The following TAOK3 variants were observed in gnomAD, a reference collection of about 807,000 sequenced individuals.
TAOK3 encodes TAO kinase 3.
TAOK3 carries 40 observed loss-of-function variants against 120.4 expected under a neutral mutation model. That is an observed-to-expected ratio of 0.33 (90% CI 0.26 to 0.43). TAOK3 has a LOEUF of 0.43. TAOK3 is among the 20% of genes least tolerant of loss of function. The probability of loss-of-function intolerance (pLI) is 1.00; values close to 1 mark genes in which losing one functional copy is unlikely to be tolerated. For synonymous variants in TAOK3, 355 were observed against 387.5 expected, an observed-to-expected ratio of 0.92 and a Z score of 0.99; for missense variants, 821 against 1,112.1, an observed-to-expected ratio of 0.74 and a Z score of 3.72.
At chr12:118,173,884 T>C (rs1467334453) in intron 16 of TAOK3, among the ~76,000 whole-genome samples, 3 of 152,374 alleles carry the variant, frequency 2.0e-5, no homozygotes, top group South Asian at 2.1e-4. Context: ...GCCGATATCA[T>C]AGACTATTTT....
chr12:118,229,585 A>T (rs2039669541), intron 9 of TAOK3, among the ~76,000 whole-genome samples: 1 of 152,176 alleles, frequency 6.6e-6, no homozygotes, highest in Non-Finnish European at 1.5e-5. Flanking sequence ...GTTTTAAAAA[A>T]CATTGATTAG....
chr12:118,193,532 T>G (rs1374700770), intron 13 of TAOK3, among the ~76,000 whole-genome samples: 1 of 152,192 alleles, frequency 6.6e-6, no homozygotes, highest in Non-Finnish European at 1.5e-5. Context: ...TATTTGGAAG[T>G]CTTTCCTTTA....
intron 19 of TAOK3, among the ~76,000 whole-genome samples, chr12:118,152,991 T>C (rs1566218503): frequency 6.6e-6 from 1 of 152,218 alleles, no homozygotes; most frequent in Non-Finnish European, 1.5e-5. Flanking sequence ...AAAAATTGAT[T>C]CCAATTTCCA....
chr12:118,155,471 T>C (rs1339299017), intron 19 of TAOK3, among the ~76,000 whole-genome samples: 1 of 152,212 alleles, frequency 6.6e-6, no homozygotes, highest in Non-Finnish European at 1.5e-5. Flanking sequence ...CCTAAGAAAG[T>C]AGCTTTACTT....
intron 15 of TAOK3, among the ~76,000 whole-genome samples, chr12:118,178,861 T>A (rs2036513535): frequency 6.6e-6 from 1 of 152,196 alleles, no homozygotes; most frequent in South Asian, 2.1e-4. Context: ...AAATACTGGC[T>A]CCTGAAAGTG....
intron 17 of TAOK3, among the ~76,000 whole-genome samples, chr12:118,164,761 C>T (rs1253014603): frequency 3.3e-5 from 5 of 152,180 alleles, no homozygotes; most frequent in South Asian, 2.1e-4. Flanking sequence ...CCTCTCTTCT[C>T]TGATGGCATC....
intron 14 of TAOK3, among the ~76,000 whole-genome samples, chr12:118,189,535 GAC>G (rs869285530): frequency 0.066 from 8,729 of 132,080 alleles, 312 homozygotes; most frequent in East Asian, 0.21. Flanking sequence ...CACAGACACA[GAC>G]ACACACACAC....
intron 16 of TAOK3, among the ~76,000 whole-genome samples, chr12:118,175,274 A>C (rs2036250273): frequency 6.6e-6 from 1 of 152,160 alleles, no homozygotes; most frequent in Admixed American, 6.5e-5. Context: ...TCACTTCCTA[A>C]CTAAAAAAGA....
At chr12:118,189,142 TG>T (rs1001397839) in intron 14 of TAOK3, among the ~76,000 whole-genome samples, 1 of 152,216 alleles carries the variant, frequency 6.6e-6, no homozygotes, top group African/African-American at 2.4e-5. Context: ...CTTGCTTTAT[TG>T]GTGCCAGGAA....
At chr12:118,205,549 T>C (rs2038255261) in intron 11 of TAOK3, among the ~76,000 whole-genome samples, 1 of 152,098 alleles carries the variant, frequency 6.6e-6, no homozygotes, top group African/African-American at 2.4e-5. Flanking sequence ...CTACCATAAT[T>C]ATCTTTCTAA....
At chr12:118,246,382 C>T in intron 3 of TAOK3, 3 of 1,583,460 alleles carry the variant, frequency 1.9e-6, no homozygotes, top group East Asian at 2.2e-5. Context: ...TTCCTGGGGG[C>T]CTCTCTCAAG....
chr12:118,304,979 T>G (rs565492667), intron 1 of TAOK3, among the ~76,000 whole-genome samples: 95 of 152,258 alleles, frequency 6.2e-4, no homozygotes, highest in African/African-American at 2.2e-3. Context: ...AGAACACGGG[T>G]TATGATTAAA....
chr12:118,291,942 T>C (rs2042500672), intron 1 of TAOK3, among the ~76,000 whole-genome samples: 3 of 152,122 alleles, frequency 2.0e-5, no homozygotes, highest in South Asian at 4.1e-4. Flanking sequence ...GCCTCCCCAG[T>C]AGCTGGGACT....
At chr12:118,314,473 A>T (rs1192775454) in intron 1 of TAOK3, among the ~76,000 whole-genome samples, 2 of 152,212 alleles carry the variant, frequency 1.3e-5, no homozygotes, top group Non-Finnish European at 2.9e-5. Flanking sequence ...GATATCCTGA[A>T]CTTAACTTTT....
At position 118,272,795 on chromosome 12, in the gene TAOK3, AC is replaced by A. The variant is rs528630767; in HGVS notation, c.-193-6037del. Among the ~76,000 whole-genome samples, 193 of 151,594 alleles carry A rather than the reference AC, an allele frequency of 1.3e-3. 2 individuals are homozygous for A. Among genetic ancestry groups the A allele is most frequent in the African/African-American group, 4.4e-3 (183 of 41,294 alleles). ...AGAACAGCCTGGGTAACACAGTGAG[AC>A]CCCCGTCTCTATGAAATAAAATACA... On this transcript the variant is annotated intron_variant, in intron 1 of 20. Transcript: ENST00000392533.
intron 1 of TAOK3, among the ~76,000 whole-genome samples, chr12:118,268,067 A>G (rs933020214): frequency 5.9e-5 from 9 of 152,098 alleles, no homozygotes; most frequent in African/African-American, 2.2e-4. Flanking sequence ...CTCTATGACT[A>G]TTTTGCCATA....
intron 2 of TAOK3, among the ~76,000 whole-genome samples, chr12:118,259,438 G>A (rs1257720554): frequency 6.6e-6 from 1 of 152,118 alleles, no homozygotes; most frequent in African/African-American, 2.4e-5. Flanking sequence ...CTACTCAGGA[G>A]GCTGAGGTGG....
intron 1 of TAOK3, among the ~76,000 whole-genome samples, chr12:118,331,645 CAA>C (rs57291591): frequency 2.7e-4 from 13 of 48,014 alleles, no homozygotes; most frequent in African/African-American, 4.2e-4. Context: ...ACTCTTATCT[CAA>C]AAAAAAAAAA....
At chr12:118,358,719 C>A (rs2045491271) in intron 1 of TAOK3, among the ~76,000 whole-genome samples, 1 of 152,004 alleles carries the variant, frequency 6.6e-6, no homozygotes, top group Non-Finnish European at 1.5e-5. Flanking sequence ...TGTGGAATAT[C>A]AAACTACAAA....
Sources: gnomAD v4.1 joint callset for allele counts (sites outside exome capture counted in the v4.1 genomes callset) on GRCh38, gnomAD v4.1.1 for gene constraint, MANE v1.5 for transcripts, NCBI Gene and HGNC (gene_info 2026-07-23, HGNC 2026-07-21) for gene names.